MLLT3: variants seen among roughly 807,000 people sequenced by gnomAD.
The protein encoded by MLLT3 is MLLT3 super elongation complex subunit.
A neutral mutation model predicts 53.2 loss-of-function variants in MLLT3; 4 were observed. The observed-to-expected ratio is 0.08, with a 90% CI of 0.04 to 0.17. The LOEUF (loss-of-function observed/expected upper bound fraction) is 0.17, where lower values mean the gene tolerates loss of function less well. Among genes scored for constraint, MLLT3 ranks in the 10% least tolerant of loss-of-function variants. The pLI, the probability that MLLT3 is intolerant of heterozygous loss-of-function variation, is 1.00. For missense variants in MLLT3, 569 were observed against 684.0 expected (o/e 0.83, Z 1.87); for synonymous variants, 283 against 230.6 (o/e 1.23, Z -2.06).
chr9:20,448,249 G>A lies in MLLT3; in HGVS notation c.294C>T (p.Val98=). 2 of 1,613,196 alleles carry A rather than the reference G, an allele frequency of 1.2e-6. No homozygotes were observed. Among genetic ancestry groups the A allele is most frequent in the Non-Finnish European group, 1.7e-6 (2 of 1,179,568 alleles). The part of the protein sequence containing the change: ...YFKNKEEPRK[V]RFDYDLFLHL... ...GCAGGAATAAGTCATAATCAAAGCG[G>A]ACTTTCCTAGGTTCTTCCTGGAGGT... The change falls in exon 4 of 11, where the codon GTC becomes GTT. Residue 98 remains valine, a synonymous_variant. Transcript: ENST00000380338. The surrounding 1 kb of genome is among the most constrained non-coding windows in gnomAD (Gnocchi z 4.0).
chr9:20,537,594 A>G (rs149979784), intron 2 of MLLT3, among the ~76,000 whole-genome samples: 100 of 152,230 alleles, frequency 6.6e-4, no homozygotes, highest in African/African-American at 2.2e-3. Flanking sequence ...ATACATCTCA[A>G]ACAAATCCTT....
At chr9:20,396,763 G>A (rs1822331987) in intron 5 of MLLT3, among the ~76,000 whole-genome samples, 2 of 152,064 alleles carry the variant, frequency 1.3e-5, no homozygotes, top group African/African-American at 4.8e-5. Flanking sequence ...AGGTATGTAT[G>A]ACACTGTCAT....
At chr9:20,540,939 T>C (rs191829096) in intron 2 of MLLT3, among the ~76,000 whole-genome samples, 88 of 152,344 alleles carry the variant, frequency 5.8e-4, no homozygotes, top group African/African-American at 2.0e-3. Flanking sequence ...TGAATGCATA[T>C]GACTGTATGC....
chr9:20,370,712 T>C (rs1440242633), intron 5 of MLLT3, among the ~76,000 whole-genome samples: 2 of 152,120 alleles, frequency 1.3e-5, no homozygotes, highest in African/African-American at 4.8e-5. Flanking sequence ...GGTTTCGCCA[T>C]GTTAGCCAGG....
chr9:20,589,859 C>T (rs965009214), intron 2 of MLLT3, among the ~76,000 whole-genome samples: 10 of 151,760 alleles, frequency 6.6e-5, no homozygotes, highest in East Asian at 1.9e-4. Flanking sequence ...TACAGGTGCC[C>T]GCCACTGTGC....
In MLLT3 at chr9:20,524,970, A is replaced by G. The variant is rs10964594; in HGVS notation, c.194-68184T>C. On this transcript the variant is annotated intron_variant, in intron 2 of 10. Coordinates refer to ENST00000380338, the MANE Select transcript of MLLT3 (RefSeq NM_004529.4). ...GTCAGGCTACAGAGGGCGCTACAAC[A>G]TCCTCAGCATTCAGGAAGGCACCTA... Among the ~76,000 whole-genome samples the G allele has an allele frequency of 4.6e-4, 70 of 152,190 alleles. 1 individual carries two copies. In the East Asian group the frequency reaches 0.014, roughly 29 times the overall value.
chr9:20,439,246 C>T, intron 4 of MLLT3, among the ~76,000 whole-genome samples: 1 of 152,070 alleles, frequency 6.6e-6, no homozygotes, highest in East Asian at 1.9e-4. Flanking sequence ...GTCCCAGCTA[C>T]TCAGGAGACT....
intron 2 of MLLT3, among the ~76,000 whole-genome samples, chr9:20,561,079 T>C (rs1819197092): frequency 1.3e-5 from 2 of 152,002 alleles, no homozygotes; most frequent in Non-Finnish European, 2.9e-5. Flanking sequence ...TACTTTATTT[T>C]GTGTGTGTGT....
chr9:20,481,453 G>T (rs528581920), intron 2 of MLLT3, among the ~76,000 whole-genome samples: 2 of 152,154 alleles, frequency 1.3e-5, no homozygotes, highest in East Asian at 3.9e-4. Context: ...GCTCCATATC[G>T]CAAGTCCCAC....
Position 20,565,959 on chromosome 9 carries a change from TA to T in MLLT3, c.193+54694del, listed in dbSNP as rs1819354467. ...ATATTTATATATATATATATTTATATATATATATTTATATATATATATATTT... is the reference window on the plus strand; with the variant it reads ...ATATTTATATATATATATATTTATATTATATATTTATATATATATATATTT... On this transcript the variant is annotated intron_variant, in intron 2 of 10. Transcript: ENST00000380338. Among the ~76,000 whole-genome samples the T allele has an allele frequency of 2.2e-4, 8 of 36,978 alleles. No individual in the cohort carries two copies. The East Asian group carries it at 6.6e-3, about 30-fold the overall frequency. 24.3% of individuals were successfully genotyped at this position (36,978 alleles called of 152,430 possible). A position where few individuals can be genotyped will look rare whatever the true frequency, so the allele number is the denominator to read the frequency against.
chr9:20,578,764 G>A (rs193128023), intron 2 of MLLT3, among the ~76,000 whole-genome samples: 7 of 151,864 alleles, frequency 4.6e-5, no homozygotes, highest in East Asian at 1.9e-4. Flanking sequence ...AGTATATGAC[G>A]CTAACATTTT....
At chr9:20,434,176 T>C (rs79543989) in intron 4 of MLLT3, among the ~76,000 whole-genome samples, 7,450 of 152,020 alleles carry the variant, frequency 0.049, 492 homozygotes, top group African/African-American at 0.14. Context: ...GCAACAAAAC[T>C]GGAGTAGGAT....
At chr9:20,354,692 T>A (rs1045545894) in intron 9 of MLLT3, 116 bp downstream of exon 9, 2 of 715,154 alleles carry the variant, frequency 2.8e-6, no homozygotes, top group African/African-American at 3.6e-5. Context: ...TTGGGCATCT[T>A]GGACACTTTG....
Position 20,448,076 on chromosome 9 carries a change from T to C in MLLT3, c.420+47A>G. On this transcript the variant is annotated intron_variant, in intron 4 of 10. Coordinates refer to ENST00000380338, the MANE Select transcript of MLLT3 (RefSeq NM_004529.4). The surrounding 1 kb of genome is among the most constrained non-coding windows in gnomAD (Gnocchi z 4.0). ...AGTTTGTTTGTTTTTTTTTTTGTTG[T>C]TGTTGTTTTTTAATAGGAATGCTTT... The C allele has an allele frequency of 2.6e-6, 4 of 1,565,186 alleles. No individual in the cohort carries two copies. Among genetic ancestry groups the C allele is most frequent in the Non-Finnish European group, 3.5e-6 (4 of 1,157,138 alleles).
In MLLT3 at chr9:20,464,612, T is replaced by C. The variant is rs138382596; in HGVS notation, c.194-7826A>G. Among the ~76,000 whole-genome samples the C allele has an allele frequency of 5.9e-5, 9 of 152,222 alleles. No individual in the cohort carries two copies. The East Asian group carries it at 7.7e-4, about 13-fold the overall frequency. ...GGAGCTCTTTTTTATTTTAGAATCATAGTCCCTCTTTAAGGAAGTGGCATT... is the reference window on the plus strand; with the variant it reads ...GGAGCTCTTTTTTATTTTAGAATCACAGTCCCTCTTTAAGGAAGTGGCATT... On this transcript the variant is annotated intron_variant, in intron 2 of 10. Transcript: ENST00000380338.
intron 2 of MLLT3, among the ~76,000 whole-genome samples, chr9:20,488,337 T>TA (rs1007427236): frequency 1.3e-5 from 2 of 151,974 alleles, no homozygotes; most frequent in Non-Finnish European, 2.9e-5. Context: ...ACTGTACACT[T>TA]AAAAAATGGT....
At chr9:20,479,491 A>G (rs1011307651) in intron 2 of MLLT3, among the ~76,000 whole-genome samples, 2 of 152,130 alleles carry the variant, frequency 1.3e-5, no homozygotes, top group Non-Finnish European at 1.5e-5. Flanking sequence ...ATTAGGGTCC[A>G]GTTCTAAGCT....
intron 4 of MLLT3, among the ~76,000 whole-genome samples, chr9:20,419,111 G>C (rs543951175): frequency 6.6e-6 from 1 of 152,220 alleles, no homozygotes; most frequent in South Asian, 2.1e-4. Context: ...TTCTGGAGGA[G>C]AAAGATGAAA....
intron 2 of MLLT3, among the ~76,000 whole-genome samples, chr9:20,509,872 A>G (rs7026150): frequency 6.7e-6 from 1 of 149,688 alleles, no homozygotes; most frequent in Admixed American, 6.7e-5. Flanking sequence ...TACAATTATT[A>G]TTTTTTTTTT....
Sources: allele counts gnomAD v4.1 joint callset (sites outside exome capture counted in the v4.1 genomes callset), GRCh38; gene constraint gnomAD v4.1.1; non-coding constraint Gnocchi (gnomAD v3.1); transcripts MANE v1.5; gene names NCBI Gene and HGNC (gene_info 2026-07-23, HGNC 2026-07-21).